The following TGFBRAP1 variants were observed in gnomAD, a reference collection of about 807,000 sequenced individuals.
The protein encoded by TGFBRAP1 is transforming growth factor-beta receptor-associated protein 1.
A neutral mutation model predicts 83.2 loss-of-function variants in TGFBRAP1; 20 were observed. The observed-to-expected ratio is 0.24, with a 90% CI of 0.17 to 0.35. The LOEUF is 0.35. Ranked by LOEUF, TGFBRAP1 falls within the 10% of genes least tolerant of loss-of-function variation. TGFBRAP1 has a pLI of 1.00. For missense variants in TGFBRAP1, 950 were observed against 1,099.4 expected, an observed-to-expected ratio of 0.86 and a Z score of 1.92; for synonymous variants, 415 against 459.8, an observed-to-expected ratio of 0.90 and a Z score of 1.25.
intron 1 of TGFBRAP1, among the ~76,000 whole-genome samples, chr2:105,326,850 C>G (rs562417088): frequency 2.6e-4 from 40 of 152,286 alleles, no homozygotes; most frequent in African/African-American, 9.1e-4. Flanking sequence ...ACTTGACTAT[C>G]AAGAAAAGAT....
intron 4 of TGFBRAP1, among the ~76,000 whole-genome samples, chr2:105,289,208 T>TGG (rs140069048): frequency 6.0e-5 from 9 of 149,020 alleles, no homozygotes; most frequent in South Asian, 4.2e-4. Flanking sequence ...AAAAAAAAAG[T>TGG]GGGGGGGTGC....
chr2:105,291,084 T>C (rs1677897182), intron 4 of TGFBRAP1, among the ~76,000 whole-genome samples: 1 of 152,184 alleles, frequency 6.6e-6, no homozygotes, highest in South Asian at 2.1e-4. Flanking sequence ...AATGCTTGTG[T>C]CTGTGTCTCC....
intron 4 of TGFBRAP1, among the ~76,000 whole-genome samples, chr2:105,284,942 T>C (rs1230257593): frequency 4.6e-5 from 7 of 152,224 alleles, no homozygotes; most frequent in Non-Finnish European, 7.3e-5. Flanking sequence ...CAGTTTATCT[T>C]GTTTACTCCA....
intron 8 of TGFBRAP1, among the ~76,000 whole-genome samples, chr2:105,274,958 G>C (rs1423960987): frequency 2.6e-5 from 4 of 152,184 alleles, no homozygotes; most frequent in African/African-American, 9.7e-5. Context: ...GTCACCTGTG[G>C]GGCTTTACTA....
chr2:105,260,963 T>C (rs927154429), downstream of TGFBRAP1, among the ~76,000 whole-genome samples: 3 of 152,216 alleles, frequency 2.0e-5, no homozygotes, highest in Non-Finnish European at 4.4e-5. Flanking sequence ...TGAATCTCTT[T>C]TGAGGTGTAC....
intron 1 of TGFBRAP1, among the ~76,000 whole-genome samples, chr2:105,321,664 C>G (rs1442977393): frequency 6.6e-6 from 1 of 152,168 alleles, no homozygotes; most frequent in East Asian, 1.9e-4. Flanking sequence ...ATGACATTTC[C>G]ATTAACAACA....
At chr2:105,291,506 C>G (rs1182627600) in intron 4 of TGFBRAP1, among the ~76,000 whole-genome samples, 1 of 152,090 alleles carries the variant, frequency 6.6e-6, no homozygotes, top group Non-Finnish European at 1.5e-5. Flanking sequence ...CTCACCACAG[C>G]CTAAGGTGGT....
At chr2:105,298,843 CAATAT>C (rs1376916291) in intron 2 of TGFBRAP1, 138 bp from the exon 3 acceptor site, 3 of 734,780 alleles carry the variant, frequency 4.1e-6, no homozygotes, top group Non-Finnish European at 6.2e-6. Flanking sequence ...GAAGGAAAAA[CAATAT>C]AATATGCTGT....
At chr2:105,257,400 T>TTAAACAC in the TGFBRAP1 span, among the ~76,000 whole-genome samples, 1 of 152,148 alleles carries the variant, frequency 6.6e-6, no homozygotes, top group African/African-American at 2.4e-5. Context: ...TCTGTCCCCA[T>TTAAACAC]TAAACACTAA....
intron 2 of TGFBRAP1, among the ~76,000 whole-genome samples, chr2:105,304,666 C>T (rs1462267002): frequency 6.6e-6 from 1 of 152,140 alleles, no homozygotes; most frequent in African/African-American, 2.4e-5. Flanking sequence ...GCCTATAGTC[C>T]CAGCTACTCG....
intron 4 of TGFBRAP1, among the ~76,000 whole-genome samples, chr2:105,290,883 G>A (rs1677887869): frequency 6.6e-6 from 1 of 152,034 alleles, no homozygotes; most frequent in Non-Finnish European, 1.5e-5. Flanking sequence ...GCACGTGCCT[G>A]TAATCCCAAC....
At position 105,267,455 on chromosome 2, in the gene TGFBRAP1, A is replaced by G. The variant is rs766216575; in HGVS notation, c.2511T>C (p.Gly837=). 1.9e-6 allele frequency: 3 copies of G among 1,614,192 alleles called. No individual in the cohort carries two copies. The highest frequency in any genetic ancestry group is 2.5e-6 in the Non-Finnish European group (3 of 1,180,044). ...EPVFVRYPNG[G]LVHTHCAASR... The stretch of plus-strand genomic sequence containing the variant: ...TGGCGGCACAGTGGGTGTGCACAAG[A>G]CCACCATTTGGGTATCTAACAAACA... The change falls in exon 12 of 12, where the codon GGT becomes GGC. Residue 837 remains glycine, a synonymous_variant. Transcript: ENST00000393359.
intron 2 of TGFBRAP1, among the ~76,000 whole-genome samples, chr2:105,305,306 G>A (rs1431799197): frequency 6.6e-6 from 1 of 152,158 alleles, no homozygotes; most frequent in African/African-American, 2.4e-5. Context: ...TTTGAAATGA[G>A]GTGACTATAC....
chr2:105,291,726 CAT>C (rs1677922994), intron 4 of TGFBRAP1, among the ~76,000 whole-genome samples: 1 of 152,208 alleles, frequency 6.6e-6, no homozygotes, highest in East Asian at 1.9e-4. Flanking sequence ...TAGTCAAATT[CAT>C]AGAGACAGAA....
intron 10 of TGFBRAP1, among the ~76,000 whole-genome samples, chr2:105,271,177 C>A (rs777713330): frequency 1.3e-5 from 2 of 152,206 alleles, no homozygotes; most frequent in Non-Finnish European, 2.9e-5. Context: ...AGAACTGTAC[C>A]TGCCCTTAAC....
In TGFBRAP1 at chr2:105,265,706, T is replaced by C. The variant is rs935958508; in HGVS notation, c.*1677A>G. ...TGAGCTCACACCAATTTACACAGCA[T>C]ACAGTTGTGCTACAAGGAGAATTTC... On this transcript the variant is annotated 3_prime_UTR_variant, in exon 12 of 12. Transcript: ENST00000393359. The C allele has an allele frequency of 6.6e-6, 1 of 152,566 alleles. No individual in the cohort carries two copies. The highest frequency in any genetic ancestry group is 2.1e-4 in the South Asian group (1 of 4,828). 9.5% of individuals were successfully genotyped at this position (152,566 alleles called of 1,614,324 possible).
chr2:105,293,631 T>C (rs1677987179), intron 4 of TGFBRAP1, among the ~76,000 whole-genome samples: 1 of 152,232 alleles, frequency 6.6e-6, no homozygotes. Flanking sequence ...TAGTTAACCA[T>C]ATGAGCTGAA....
At position 105,273,447 on chromosome 2, in the gene TGFBRAP1, G is replaced by A. The variant is rs962966092; in HGVS notation, c.1812+97C>T. 9 of 1,508,808 alleles carry A rather than the reference G, an allele frequency of 6.0e-6. No individual in the cohort carries two copies. The African/African-American group carries it at 1.2e-4, about 21-fold the overall frequency. The allele number at this position is 1,508,808 out of a possible 1,614,324, so 93.5% of individuals were successfully genotyped here. A position where few individuals can be genotyped will look rare whatever the true frequency, so the allele number is the denominator to read the frequency against. On this transcript the variant is annotated intron_variant, in intron 9 of 11. Coordinates refer to ENST00000393359, the MANE Select transcript of TGFBRAP1 (RefSeq NM_004257.6). Reference sequence around the variant, plus strand: ...CAACAAGTACGGATGGATCACCCAGGGAACAGACATTACACAGAATCACAT... The same window carrying A: ...CAACAAGTACGGATGGATCACCCAGAGAACAGACATTACACAGAATCACAT...
chr2:105,322,519 C>T (rs1396782633), intron 1 of TGFBRAP1, among the ~76,000 whole-genome samples: 1 of 152,098 alleles, frequency 6.6e-6, no homozygotes, highest in Non-Finnish European at 1.5e-5. Context: ...TACAGGTGGA[C>T]CCTTTTTTTA....
Sources: gnomAD v4.1 joint callset for allele counts (sites outside exome capture counted in the v4.1 genomes callset) on GRCh38, gnomAD v4.1.1 for gene constraint, MANE v1.5 for transcripts, NCBI Gene and HGNC (gene_info 2026-07-23, HGNC 2026-07-21) for gene names.